Variants in TRMT11 observed in about 807,000 individuals in gnomAD.
TRMT11 encodes tRNA (guanine(10)-N(2))-methyltransferase TRMT11.
TRMT11 carries 53 observed loss-of-function variants against 62.8 expected under a neutral mutation model. The ratio of observed to expected loss-of-function variants is 0.84; its 90% CI spans 0.68 to 1.06. The LOEUF (loss-of-function observed/expected upper bound fraction) is 1.06, where lower values mean the gene tolerates loss of function less well. Ranked by LOEUF, TRMT11 falls within the 50% of genes least tolerant of loss-of-function variation. The probability of loss-of-function intolerance (pLI) is 0.00; values close to 1 mark genes in which losing one functional copy is unlikely to be tolerated. For synonymous variants in TRMT11, 188 were observed against 190.3 expected (o/e 0.99, Z 0.10); for missense variants, 556 against 553.4 (o/e 1.00, Z -0.05).
intron 17 of TRMT11, among the ~76,000 whole-genome samples, chr6:126,059,807 C>A (rs1776478932): frequency 6.6e-6 from 1 of 152,098 alleles, no homozygotes; most frequent in Non-Finnish European, 1.5e-5. Context: ...ACAGTAAGTA[C>A]GTTTCTCTAG....
chr6:126,237,917 A>G, the TRMT11 span, among the ~76,000 whole-genome samples: 2 of 152,140 alleles, frequency 1.3e-5, no homozygotes, highest in Non-Finnish European at 2.9e-5. Context: ...CAGAGATTCA[A>G]CTTCTTCCTG....
chr6:126,121,916 G>T (rs952635884), intron 21 of TRMT11, among the ~76,000 whole-genome samples: 5 of 151,980 alleles, frequency 3.3e-5, no homozygotes, highest in Non-Finnish European at 1.5e-5. Flanking sequence ...CTGATGTTGG[G>T]CTCTGATATG....
At chr6:126,059,191 A>G (rs968162105) in intron 17 of TRMT11, among the ~76,000 whole-genome samples, 5 of 150,774 alleles carry the variant, frequency 3.3e-5, no homozygotes, top group African/African-American at 9.8e-5. Flanking sequence ...GCCTACCTCT[A>G]CTCTTTATTA....
intron 21 of TRMT11, among the ~76,000 whole-genome samples, chr6:126,136,505 G>C (rs1389365764): frequency 1.3e-5 from 2 of 151,554 alleles, no homozygotes; most frequent in Non-Finnish European, 3.0e-5. Context: ...AAGTTGAAGA[G>C]GATATGAAAA....
At chr6:125,987,076 T>G (rs190566914) in intron 1 of TRMT11, 3 of 164,712 alleles carry the variant, frequency 1.8e-5, no homozygotes, top group Non-Finnish European at 3.9e-5. Context: ...TCAGAATGCA[T>G]GTAGTCGAAG....
intron 1 of TRMT11, among the ~76,000 whole-genome samples, chr6:126,185,185 T>A (rs1316484020): frequency 6.6e-6 from 1 of 152,184 alleles, no homozygotes; most frequent in East Asian, 1.9e-4. Flanking sequence ...TTTCCTTGAT[T>A]CATATATTTA....
chr6:126,162,055 T>C (rs920779941), intron 21 of TRMT11, among the ~76,000 whole-genome samples: 7 of 152,236 alleles, frequency 4.6e-5, no homozygotes, highest in Non-Finnish European at 5.9e-5. Flanking sequence ...GCAGAAGCTC[T>C]TTAGTTTAAT....
chr6:126,226,685 T>C, the TRMT11 span, among the ~76,000 whole-genome samples: 1 of 152,200 alleles, frequency 6.6e-6, no homozygotes, highest in African/African-American at 2.4e-5. Flanking sequence ...ATTGAAGGAA[T>C]TGTTTGTGGG....
chr6:126,198,178 T>G (rs545308055), intron 1 of TRMT11, among the ~76,000 whole-genome samples: 1 of 152,102 alleles, frequency 6.6e-6, no homozygotes, highest in Non-Finnish European at 1.5e-5. Flanking sequence ...GCCTGATGGG[T>G]TATAAGTCCA....
At chr6:126,124,368 A>G (rs1655607019) in intron 21 of TRMT11, among the ~76,000 whole-genome samples, 2 of 152,110 alleles carry the variant, frequency 1.3e-5, no homozygotes, top group Non-Finnish European at 1.5e-5. Context: ...ACTCTTCAGC[A>G]TTCAGACTTT....
intron 16 of TRMT11, among the ~76,000 whole-genome samples, chr6:126,048,875 T>C (rs1776134304): frequency 6.6e-6 from 1 of 152,172 alleles, no homozygotes; most frequent in South Asian, 2.1e-4. Context: ...ATTGACACTT[T>C]CTCAGGTTAC....
chr6:126,269,125 G>A, the TRMT11 span, among the ~76,000 whole-genome samples: 24 of 149,968 alleles, frequency 1.6e-4, no homozygotes, highest in African/African-American at 4.6e-4. Flanking sequence ...TTAGCCGGGC[G>A]TAGTGGCGGG....
At chr6:126,033,374 T>G (rs1326123204) in intron 12 of TRMT11, among the ~76,000 whole-genome samples, 1 of 152,126 alleles carries the variant, frequency 6.6e-6, no homozygotes, top group Non-Finnish European at 1.5e-5. Flanking sequence ...AGATTAAAAT[T>G]TATTATAAGT....
At chr6:126,238,290 T>C in the TRMT11 span, among the ~76,000 whole-genome samples, 146 of 152,338 alleles carry the variant, frequency 9.6e-4, no homozygotes, top group African/African-American at 3.3e-3. Flanking sequence ...CTAGTACTTT[T>C]AATTGTGATG....
At chr6:126,049,708 A>G (rs1776158222) in intron 16 of TRMT11, among the ~76,000 whole-genome samples, 1 of 152,252 alleles carries the variant, frequency 6.6e-6, no homozygotes. Context: ...AGAAGCCTCA[A>G]TGGAGTTTGG....
chr6:126,054,962 C>T (rs758719523), intron 17 of TRMT11, among the ~76,000 whole-genome samples: 1 of 152,140 alleles, frequency 6.6e-6, no homozygotes, highest in Non-Finnish European at 1.5e-5. Context: ...CATATGCTGA[C>T]GAACATTTTT....
chr6:126,201,412 C>A (rs9491586), intron 3 of TRMT11, among the ~76,000 whole-genome samples: 1 of 152,246 alleles, frequency 6.6e-6, no homozygotes, highest in African/African-American at 2.4e-5. Flanking sequence ...ATTTGTATAT[C>A]CTGCATGCTG....
At chr6:126,135,807 C>G (rs935789826) in intron 21 of TRMT11, among the ~76,000 whole-genome samples, 1 of 151,710 alleles carries the variant, frequency 6.6e-6, no homozygotes, top group Non-Finnish European at 1.5e-5. Flanking sequence ...TGGGATTCAC[C>G]TCATAGATGC....
chr6:126,038,402 C>T (rs575117889), intron 12 of TRMT11, among the ~76,000 whole-genome samples: 3 of 143,312 alleles, frequency 2.1e-5, no homozygotes, highest in Admixed American at 7.1e-5. Context: ...ATAGCCTTGA[C>T]TCTGTTACTT....
Sources: gnomAD v4.1 joint callset for allele counts (sites outside exome capture counted in the v4.1 genomes callset) on GRCh38, gnomAD v4.1.1 for gene constraint, MANE v1.5 for transcripts, NCBI Gene and HGNC (gene_info 2026-07-23, HGNC 2026-07-21) for gene names.